Variants in IRS2 observed in about 807,000 individuals in gnomAD.
IRS2 encodes insulin receptor substrate 2.
IRS2 carries 28 observed loss-of-function variants against 70.9 expected under a neutral mutation model. The observed-to-expected ratio is 0.39, with a 90% confidence interval of 0.29 to 0.54. The LOEUF is 0.54. IRS2 is among the 20% of genes least tolerant of loss of function. The pLI, the probability that IRS2 is intolerant of heterozygous loss-of-function variation, is 0.59. For missense variants in IRS2, 2,081 were observed against 2,024.1 expected, an observed-to-expected ratio of 1.03 and a Z score of -0.54; for synonymous variants, 1,217 against 981.9, an observed-to-expected ratio of 1.24 and a Z score of -4.48.
In IRS2 at chr13:109,784,423, G is replaced by T; in HGVS notation, c.1631C>A (p.Thr544Asn). Residue 544 changes from threonine (T) to asparagine (N), a missense_variant, in exon 1 of 2, where the codon ACC (threonine) becomes AAC (asparagine). Thr to Asn is a moderately conservative substitution (Grantham distance 65). Around this residue, in one of 4 missense-constraint regions of IRS2, gnomAD observed 1,615 missense variants for 1,459.5 expected, o/e 1.11. Coordinates refer to ENST00000375856, the MANE Select transcript of IRS2 (RefSeq NM_003749.3). This position sits in a 1 kb window ranked among gnomAD's most constrained non-coding sequence, Gnocchi z 5.2. ...GGGGEFYGYM[T>N]MDRPLSHCGR... is the part of the protein sequence containing the mutation. ...ACAGTGGCTCAGGGGCCTGTCCATG[G>T]TCATGTACCCGTAGAACTCACCGCC... 1 of 1,607,362 alleles carries T rather than the reference G, an allele frequency of 6.2e-7. No individual in the cohort carries two copies. The highest frequency in any genetic ancestry group is 1.3e-5 in the African/African-American group (1 of 74,858).
Position 109,782,366 on chromosome 13 carries a change from C to G in IRS2, c.3688G>C (p.Gly1230Arg), listed in dbSNP as rs113301332. The G allele has an allele frequency of 2.3e-5, 37 of 1,611,596 alleles. No individual in the cohort carries two copies. In the African/African-American group the frequency reaches 4.1e-4, roughly 18 times the overall value. Residue 1230 changes from glycine to arginine, a missense_variant, in exon 1 of 2, where the codon GGT (glycine) becomes CGT (arginine). Physicochemically the swap from Gly to Arg is moderately radical, Grantham distance 125. This residue lies in a region of IRS2 where 1,615 missense variants were observed against 1,459.5 expected (regional missense o/e 1.11). Coordinates refer to ENST00000375856, the MANE Select transcript of IRS2 (RefSeq NM_003749.3). The stretch of plus-strand genomic sequence containing the variant: ...GGCGATCCACCGCTCCCAGGACAAC[C>G]GACCAAGCCCCCGGGCTGACCCGGG... ...WTPGQPGGLV[G>R]CPGSGGSPMR... is the part of the protein sequence containing the mutation.
rs2138937556 is a variant in IRS2 at position 109,785,120 on chromosome 13, A to C, written c.934T>G (p.Ser312Ala). 6.3e-7 allele frequency: 1 copy of C among 1,592,576 alleles called. No individual in the cohort carries two copies. The highest frequency in any genetic ancestry group is 8.5e-7 in the Non-Finnish European group (1 of 1,170,556). ...GGGACGCTGATGGGGTGCGTGGCCG[A>C]CGACCCCGACGATTGGCTCTTACTG... ...PRSKSQSSGS[S>A]ATHPISVPGA... The change falls in exon 1 of 2, where the codon TCG becomes GCG. Residue 312 changes from serine (S) to alanine (A), a missense_variant. Transcript: ENST00000375856. This position sits in a 1 kb window ranked among gnomAD's most constrained non-coding sequence, Gnocchi z 9.3.
intron 1 of IRS2, among the ~76,000 whole-genome samples, chr13:109,773,985 C>G (rs1877515700): frequency 6.6e-6 from 1 of 152,222 alleles, no homozygotes; most frequent in Non-Finnish European, 1.5e-5. Flanking sequence ...GTGACCTTGA[C>G]TAAGACTCCG....
rs115432002 is a variant in IRS2 at position 109,769,849 on chromosome 13, A to T, written c.4012+12193T>A. 1.4e-3 allele frequency among the ~76,000 whole-genome samples: 217 copies of T among 152,378 alleles called. 1 individual carries two copies. The highest frequency in any genetic ancestry group is 4.8e-3 in the African/African-American group (198 of 41,588). On this transcript the variant is annotated intron_variant, in intron 1 of 1. Transcript: ENST00000375856. ...CAATTGTCATCTTTGTAATGAAAAC[A>T]TGCAGAAATTTAACAGTTTGAATAC... is the stretch of plus-strand genomic sequence containing the variant.
At chr13:109,765,784 A>T in intron 1 of IRS2, among the ~76,000 whole-genome samples, 1 of 40,908 alleles carries the variant, frequency 2.4e-5, no homozygotes, top group Non-Finnish European at 6.7e-5. Context: ...AACCACCCTG[A>T]CTCCGACTCC....
At position 109,783,157 on chromosome 13, in the gene IRS2, C is replaced by T. The variant is rs2138931833; in HGVS notation, c.2897G>A (p.Ser966Asn). ...SSLGSGTPGT[S>N]SDSRQRSPLS... ...CGGAGACCGCTGCCGGCTGTCGCTGCTGGTGCCCGGGGTGCCTGAGCCCAG... is the reference window on the plus strand; with the variant it reads ...CGGAGACCGCTGCCGGCTGTCGCTGTTGGTGCCCGGGGTGCCTGAGCCCAG... The change falls in exon 1 of 2, where the codon AGC becomes AAC. Residue 966 changes from serine (S) to asparagine (N), a missense_variant. Physicochemically the swap from Ser to Asn is conservative, Grantham distance 46. Around this residue, in one of 4 missense-constraint regions of IRS2, gnomAD observed 1,615 missense variants for 1,459.5 expected, o/e 1.11. Coordinates refer to ENST00000375856, the MANE Select transcript of IRS2 (RefSeq NM_003749.3). The T allele has an allele frequency of 7.3e-7, 1 of 1,379,096 alleles. No individual in the cohort carries two copies. The highest frequency in any genetic ancestry group is 9.3e-7 in the Non-Finnish European group (1 of 1,072,288). The allele number at this position is 1,379,096 out of a possible 1,614,324, so 85.4% of individuals were successfully genotyped here. A position where few individuals can be genotyped will look rare whatever the true frequency, so the allele number is the denominator to read the frequency against.
At chr13:109,781,333 G>T (rs184742153) in intron 1 of IRS2, among the ~76,000 whole-genome samples, 1 of 152,276 alleles carries the variant, frequency 6.6e-6, no homozygotes, top group African/African-American at 2.4e-5. Context: ...GTTAACACAG[G>T]CCAGAGATCC....
rs191160271 is a variant in IRS2 at position 109,779,442 on chromosome 13, C to T, written c.4012+2600G>A. ...TCAAAGGACACTGATCTACTGTGAA[C>T]TCTGTATTTATGAGCATCCCAAACA... On this transcript the variant is annotated intron_variant, in intron 1 of 1. Coordinates refer to ENST00000375856, the MANE Select transcript of IRS2 (RefSeq NM_003749.3). Among the ~76,000 whole-genome samples the T allele has an allele frequency of 2.1e-3, 321 of 152,324 alleles. 1 individual carries two copies. Among genetic ancestry groups the T allele is most frequent in the Non-Finnish European group, 3.7e-3 (254 of 68,024 alleles).
chr13:109,767,289 T>C (rs1343681493), intron 1 of IRS2, among the ~76,000 whole-genome samples: 1 of 152,118 alleles, frequency 6.6e-6, no homozygotes, highest in Non-Finnish European at 1.5e-5. Context: ...ACCGGGAATG[T>C]GGCCACAAAC....
At chr13:109,771,448 C>T (rs9559648) in intron 1 of IRS2, among the ~76,000 whole-genome samples, 47,901 of 151,982 alleles carry the variant, frequency 0.32, 7,673 homozygotes, top group Middle Eastern at 0.47. Context: ...TTGCAACTAA[C>T]ACATTTTGCT....
intron 1 of IRS2, among the ~76,000 whole-genome samples, chr13:109,781,022 GTTTT>G (rs1372004740): frequency 6.6e-6 from 1 of 152,136 alleles, no homozygotes; most frequent in African/African-American, 2.4e-5. Context: ...GAAGACCTGT[GTTTT>G]TTGTCTTTCC....
chr13:109,786,381 G>T lies in IRS2; in HGVS notation c.-328C>A. 1 of 147,218 alleles carries T rather than the reference G, an allele frequency of 6.8e-6. No individual in the cohort carries two copies. Among genetic ancestry groups the T allele is most frequent in the South Asian group, 1.8e-4 (1 of 5,532 alleles). 9.1% of individuals were successfully genotyped at this position (147,218 alleles called of 1,614,324 possible). On this transcript the variant is annotated 5_prime_UTR_variant, in exon 1 of 2. Transcript: ENST00000375856. This position sits in a 1 kb window ranked among gnomAD's most constrained non-coding sequence, Gnocchi z 4.4. ...ACGCGCTCGCTGGGCCGGGAGTCGG[G>T]GTCCCCGAGCCGCGGGGCCGAGCCT...
Position 109,756,088 on chromosome 13 carries a change from A to G in IRS2, c.*216T>C. The G allele has an allele frequency of 1.8e-6, 1 of 543,136 alleles. No individual in the cohort carries two copies. Among genetic ancestry groups the G allele is most frequent in the South Asian group, 2.8e-5 (1 of 36,136 alleles). 33.6% of individuals were successfully genotyped at this position (543,136 alleles called of 1,614,324 possible). A position where few individuals can be genotyped will look rare whatever the true frequency, so the allele number is the denominator to read the frequency against. ...AAACAAAACAAAACGCAAACAGCACAATGATGAATGCCCCATCCGGGAACA... is the reference window on the plus strand; with the variant it reads ...AAACAAAACAAAACGCAAACAGCACGATGATGAATGCCCCATCCGGGAACA... On this transcript the variant is annotated 3_prime_UTR_variant, in exon 2 of 2. Transcript: ENST00000375856.
At position 109,782,876 on chromosome 13, in the gene IRS2, A is replaced by C; in HGVS notation, c.3178T>G (p.Ser1060Ala). The C allele has an allele frequency of 6.4e-7, 1 of 1,568,266 alleles. No homozygotes were observed. Among genetic ancestry groups the C allele is most frequent in the Non-Finnish European group, 8.6e-7 (1 of 1,157,554 alleles). The change falls in exon 1 of 2, where the codon TCA (serine) becomes GCA (alanine). Residue 1060 changes from serine (S) to alanine (A), a missense_variant. Physicochemically the swap from Ser to Ala is moderately conservative, Grantham distance 99 (BLOSUM62 1). Coordinates refer to ENST00000375856, the MANE Select transcript of IRS2 (RefSeq NM_003749.3). ...TCCCCGGTGTCCGAGGACAACGATG[A>C]GGCGGCGCCCGGGCCCTGGGCGGTG... ...VATAQGPGAA[S>A]SLSSDTGDNG...
At chr13:109,775,369 T>A (rs1423699032) in intron 1 of IRS2, among the ~76,000 whole-genome samples, 1 of 152,024 alleles carries the variant, frequency 6.6e-6, no homozygotes, top group Non-Finnish European at 1.5e-5. Flanking sequence ...TCCACCCACC[T>A]CGGCCTCCCA....
intron 1 of IRS2, among the ~76,000 whole-genome samples, chr13:109,765,898 A>G (rs1877326842): frequency 1.5e-5 from 1 of 65,108 alleles, no homozygotes; most frequent in African/African-American, 3.2e-5. Context: ...ACTCCCCACC[A>G]AGCATGTAGA....
At chr13:109,762,933 C>T (rs906243754) in intron 1 of IRS2, among the ~76,000 whole-genome samples, 16 of 152,194 alleles carry the variant, frequency 1.1e-4, no homozygotes, top group Admixed American at 7.2e-4. Context: ...TGGAGAGTGA[C>T]GTTCCAAGCA....
At chr13:109,757,591 C>A (rs186731321) in intron 1 of IRS2, among the ~76,000 whole-genome samples, 1 of 152,244 alleles carries the variant, frequency 6.6e-6, no homozygotes, top group East Asian at 1.9e-4. Context: ...AAAAGCTTTA[C>A]AGAAAAAATA....
At chr13:109,775,576 G>A (rs994844524) in intron 1 of IRS2, among the ~76,000 whole-genome samples, 5 of 152,074 alleles carry the variant, frequency 3.3e-5, no homozygotes, top group South Asian at 2.1e-4. Context: ...ATACCACACC[G>A]TAATAACTGA....
Sources: gnomAD v4.1 joint callset for allele counts (sites outside exome capture counted in the v4.1 genomes callset) on GRCh38, gnomAD v4.1.1 for gene constraint, gnomAD v4.1.1 regional missense constraint, Gnocchi (gnomAD v3.1) non-coding constraint, MANE v1.5 for transcripts, NCBI Gene and HGNC (gene_info 2026-07-23, HGNC 2026-07-21) for gene names.